The following SLC7A7 variants were observed in gnomAD, a reference collection of about 807,000 sequenced individuals.
SLC7A7 encodes the protein solute carrier family 7 member 7.
Under a neutral mutation model 47.9 loss-of-function variants are expected in SLC7A7, and 39 were observed. The ratio of observed to expected loss-of-function variants is 0.81; its 90% CI spans 0.63 to 1.06. The LOEUF (loss-of-function observed/expected upper bound fraction) is 1.06. Ranked by LOEUF, SLC7A7 falls within the 50% of genes least tolerant of loss-of-function variation. The pLI is 0.00. For synonymous variants in SLC7A7, 234 were observed against 242.8 expected (o/e 0.96, Z 0.34); for missense variants, 588 against 632.0 (o/e 0.93, Z 0.75).
chr14:22,777,214 CA>C (rs369945136), intron 4 of SLC7A7, among the ~76,000 whole-genome samples: 302 of 149,564 alleles, frequency 2.0e-3, no homozygotes, highest in South Asian at 6.4e-3. Context: ...TCATAACGCA[CA>C]GGAAAATGGG....
intron 2 of SLC7A7, among the ~76,000 whole-genome samples, chr14:22,789,412 A>C (rs1262596390): frequency 6.6e-6 from 1 of 152,112 alleles, no homozygotes; most frequent in African/African-American, 2.4e-5. Context: ...TGAGGTCAGG[A>C]ATTCTAACCA....
At chr14:22,803,774 G>C (rs2039155922) in intron 2 of SLC7A7, among the ~76,000 whole-genome samples, 1 of 152,098 alleles carries the variant, frequency 6.6e-6, no homozygotes, top group African/African-American at 2.4e-5. Flanking sequence ...TGCTGATGCA[G>C]ACATCATCCC....
At chr14:22,774,577 C>T in intron 7 of SLC7A7, 74 bp from the exon 8 acceptor site, 1 of 1,589,578 alleles carries the variant, frequency 6.3e-7, no homozygotes, top group Non-Finnish European at 8.6e-7. Context: ...CCTTTATACC[C>T]CAGAAATCCA....
chr14:22,819,017 T>C (rs10136960), upstream of SLC7A7, among the ~76,000 whole-genome samples: 83,618 of 151,968 alleles, frequency 0.55, 23,983 homozygotes, highest in African/African-American at 0.72. Context: ...ATCCTACAGC[T>C]TGTGGAAGAA....
chr14:22,804,246 A>C (rs2039163414), intron 2 of SLC7A7, among the ~76,000 whole-genome samples: 1 of 151,998 alleles, frequency 6.6e-6, no homozygotes, highest in Non-Finnish European at 1.5e-5. Flanking sequence ...AACTATAAAA[A>C]CCCTAGAAAA....
chr14:22,816,007 C>T, upstream of SLC7A7: 1 of 240,370 alleles, frequency 4.2e-6, no homozygotes, highest in East Asian at 9.4e-5. Flanking sequence ...AAGCCTGGGC[C>T]ACTGCCCCAA....
chr14:22,812,723 T>C (rs2039330913), intron 2 of SLC7A7, among the ~76,000 whole-genome samples, 177 bp downstream of exon 2: 1 of 148,978 alleles, frequency 6.7e-6, no homozygotes, highest in Non-Finnish European at 1.5e-5. Flanking sequence ...GTGAGTGTTT[T>C]TGCGATACAC....
At position 22,812,886 on chromosome 14, in the gene SLC7A7, C is replaced by G; in HGVS notation, c.499+14G>C. 1 of 1,612,288 alleles carries G rather than the reference C, an allele frequency of 6.2e-7. No homozygotes were observed. The highest frequency in any genetic ancestry group is 2.2e-5 in the East Asian group (1 of 44,866). On this transcript the variant is annotated intron_variant, in intron 2 of 9. Coordinates refer to ENST00000674313, the MANE Select transcript of SLC7A7 (RefSeq NM_003982.4). The stretch of plus-strand genomic sequence containing the variant: ...AGCCCTCCACCCACCACCTCCTACC[C>G]CAGCCCCACTTACAAATGCAGGCAG...
Position 22,797,580 on chromosome 14 carries a change from C to A in SLC7A7, c.499+15320G>T, listed in dbSNP as rs151026180. 2.3e-3 allele frequency among the ~76,000 whole-genome samples: 349 copies of A among 152,154 alleles called. 1 individual carries two copies. The highest frequency in any genetic ancestry group is 8.2e-3 in the African/African-American group (339 of 41,516). ...CTGAGAGGCAACCTATCTACCCACA[C>A]GTCACTGGAGGAGTGAATGGGGTGC... On this transcript the variant is annotated intron_variant, in intron 2 of 9. Transcript: ENST00000674313.
At chr14:22,779,666 G>A (rs986819707) in intron 3 of SLC7A7, among the ~76,000 whole-genome samples, 2 of 151,942 alleles carry the variant, frequency 1.3e-5, no homozygotes, top group Non-Finnish European at 2.9e-5. Flanking sequence ...TCTTGGCCAG[G>A]CTGATCTTGA....
chr14:22,799,337 G>GTGGA lies in SLC7A7; in HGVS notation c.499+13562_499+13563insTCCA, dbSNP rs3076440. 8.4e-3 allele frequency among the ~76,000 whole-genome samples: 68 copies of GTGGA among 8,088 alleles called. 1 individual carries two copies. The highest frequency in any genetic ancestry group is 0.037 in the Admixed American group (17 of 464). 5.3% of individuals were successfully genotyped at this position (8,088 alleles called of 152,430 possible). A position where few individuals can be genotyped will look rare whatever the true frequency, so the allele number is the denominator to read the frequency against. On this transcript the variant is annotated intron_variant, in intron 2 of 9. Coordinates refer to ENST00000674313, the MANE Select transcript of SLC7A7 (RefSeq NM_003982.4). The stretch of plus-strand genomic sequence containing the variant: ...TTCACAAAATACCTATCCCTCAAAT[G>GTGGA]TGGGTATTCCTCAGAATGCTTCTAA...
In SLC7A7 at chr14:22,774,016, A is replaced by C. The variant is rs759933569; in HGVS notation, c.1346T>G (p.Ile449Ser). 6.2e-7 allele frequency: 1 copy of C among 1,614,090 alleles called. No individual in the cohort carries two copies. Among genetic ancestry groups the C allele is most frequent in the Admixed American group, 1.7e-5 (1 of 60,006 alleles). The change falls in exon 9 of 10, where the codon ATT (isoleucine) becomes AGT (serine). Residue 449 changes from isoleucine (I) to serine (S), a missense_variant. By Grantham distance (142) the Ile-to-Ser change is moderately radical. Coordinates refer to ENST00000674313, the MANE Select transcript of SLC7A7 (RefSeq NM_003982.4). ...GTAAAAGGGCAGGCCTGAGAGGGCA[A>C]TGGCAATGCCGATGAGGGAGTTGAT... The part of the protein sequence containing the change: ...DTINSLIGIA[I>S]ALSGLPFYFL...
chr14:22,801,511 C>T (rs985836642), intron 2 of SLC7A7, among the ~76,000 whole-genome samples: 8 of 152,012 alleles, frequency 5.3e-5, no homozygotes, highest in African/African-American at 9.7e-5. Context: ...AGGCCAGGCA[C>T]GGTGGCTCAC....
intron 2 of SLC7A7, among the ~76,000 whole-genome samples, chr14:22,800,822 C>T (rs940036575): frequency 6.6e-6 from 1 of 152,014 alleles, no homozygotes; most frequent in African/African-American, 2.4e-5. Flanking sequence ...GCCTGTAATC[C>T]CAGCTACTCA....
chr14:22,803,905 T>C (rs12884337), intron 2 of SLC7A7, among the ~76,000 whole-genome samples: 80,268 of 152,062 alleles, frequency 0.53, 22,677 homozygotes, highest in Non-Finnish European at 0.64. Context: ...CACCTTTCAG[T>C]TCCATGCTTT....
At chr14:22,785,050 G>A (rs1326947171) in intron 2 of SLC7A7, among the ~76,000 whole-genome samples, 4 of 152,158 alleles carry the variant, frequency 2.6e-5, no homozygotes, top group South Asian at 4.2e-4. Context: ...AGACTGAGGC[G>A]GGCAGATCAC....
rs749678651 is a variant in SLC7A7, at chr14:22,778,875, G to C, written c.688C>G (p.Leu230Val). The C allele has an allele frequency of 3.1e-6, 5 of 1,614,022 alleles. No homozygotes were observed. Among genetic ancestry groups the C allele is most frequent in the Non-Finnish European group, 3.4e-6 (4 of 1,179,910 alleles). Reference protein sequence around the residue: ...GSSFAVGDIALALYSALFSYS... With the variant: ...GSSFAVGDIAVALYSALFSYS... Reference sequence around the variant, plus strand: ...GAGAACAGAGCTGAGTACAGTGCCAGGGCAATGTCACCCACTGCAAATGAT... The same window carrying C: ...GAGAACAGAGCTGAGTACAGTGCCACGGCAATGTCACCCACTGCAAATGAT... The change falls in exon 4 of 10, where the codon CTG becomes GTG. Residue 230 changes from leucine (L) to valine (V), a missense_variant. Transcript: ENST00000674313.
rs956455737 is a variant in SLC7A7, at chr14:22,797,428, A to T, written c.499+15472T>A. On this transcript the variant is annotated intron_variant, in intron 2 of 9. Transcript: ENST00000674313. Reference sequence around the variant, plus strand: ...CACTCACTCACTCATTCATTCATTCATTAAGCTTATATTGAGTACCCACTG... The same window carrying T: ...CACTCACTCACTCATTCATTCATTCTTTAAGCTTATATTGAGTACCCACTG... 4.6e-5 allele frequency among the ~76,000 whole-genome samples: 7 copies of T among 152,312 alleles called. No homozygotes were observed. The East Asian group carries it at 1.2e-3, about 25-fold the overall frequency.
intron 2 of SLC7A7, among the ~76,000 whole-genome samples, chr14:22,805,448 A>T (rs1039978953): frequency 1.3e-5 from 2 of 152,228 alleles, no homozygotes; most frequent in African/African-American, 4.8e-5. Context: ...AAGGAATGAG[A>T]TCATGTCCTT....
Sources: gnomAD v4.1 joint callset for allele counts (sites outside exome capture counted in the v4.1 genomes callset) on GRCh38, gnomAD v4.1.1 for gene constraint, MANE v1.5 for transcripts, NCBI Gene and HGNC (gene_info 2026-07-23, HGNC 2026-07-21) for gene names.